Variants in CFAP46 observed in about 807,000 individuals in gnomAD.
CFAP46 encodes the protein cilia and flagella associated protein 46.
Under a neutral mutation model 325.7 loss-of-function variants are expected in CFAP46, and 245 were observed. That is an observed-to-expected ratio of 0.75 (90% CI 0.68 to 0.84). The LOEUF is 0.84. Ranked by LOEUF, CFAP46 falls within the 40% of genes least tolerant of loss-of-function variation. The pLI is 0.00. For missense variants in CFAP46, 3,346 were observed against 3,543.0 expected (o/e 0.94, Z 1.41); for synonymous variants, 1,523 against 1,495.9 (o/e 1.02, Z -0.42).
chr10:132,926,422 C>T lies in CFAP46; in HGVS notation c.1065+146G>A, dbSNP rs188692086. On this transcript the variant is annotated intron_variant, in intron 10 of 57. Transcript: ENST00000368586. ...TGGCACTGGAGGCTGGACTCACACC[C>T]GCTGTCACGGGAGCCAGGGCGAGTC... 3.8e-4 allele frequency: 249 copies of T among 650,886 alleles called. No homozygotes were observed. The African/African-American group carries it at 3.9e-3, about 10-fold the overall frequency. The allele number at this position is 650,886 out of a possible 1,614,324, so 40.3% of individuals were successfully genotyped here.
At chr10:132,895,257 C>T (rs888613917) in intron 24 of CFAP46, among the ~76,000 whole-genome samples, 4 of 152,166 alleles carry the variant, frequency 2.6e-5, no homozygotes, top group African/African-American at 9.7e-5. Context: ...TGGCAAGACC[C>T]ACACTATTTC....
chr10:132,808,760 A>C lies in CFAP46; in HGVS notation c.7809T>G (p.Ala2603=). The change falls in exon 58 of 58, where the codon GCT becomes GCG. Residue 2603 remains alanine, a synonymous_variant. Coordinates refer to ENST00000368586, the MANE Select transcript of CFAP46 (RefSeq NM_001200049.3). This position sits in a 1 kb window ranked among gnomAD's most constrained non-coding sequence, Gnocchi z 6.8. The part of the protein sequence containing the change: ...VQAWTCLPSA[A]GAPALASALG... ...GGGCAGAGGCAAGTGCTGGGGCCCC[A>C]GCAGCTGATGGGAGGCAGGTCCAGG... The C allele has an allele frequency of 6.3e-7, 1 of 1,585,608 alleles. No individual in the cohort carries two copies. Among genetic ancestry groups the C allele is most frequent in the Non-Finnish European group, 8.6e-7 (1 of 1,166,140 alleles).
At chr10:132,829,979 C>T (rs1000997469) in intron 50 of CFAP46, among the ~76,000 whole-genome samples, 1 of 150,644 alleles carries the variant, frequency 6.6e-6, no homozygotes, top group African/African-American at 2.5e-5. Flanking sequence ...GCATATTGGT[C>T]CATTTTTTTT....
intron 50 of CFAP46, among the ~76,000 whole-genome samples, chr10:132,819,571 T>C (rs1847756904): frequency 6.6e-6 from 1 of 150,864 alleles, no homozygotes; most frequent in South Asian, 2.1e-4. Flanking sequence ...GAATGGAGAA[T>C]CCAGAAATAA....
chr10:132,816,168 C>T (rs371097011), intron 50 of CFAP46, among the ~76,000 whole-genome samples: 1 of 151,678 alleles, frequency 6.6e-6, no homozygotes, highest in African/African-American at 2.4e-5. Context: ...CGGGGACTTC[C>T]GGGTTCTCCT....
In CFAP46 at chr10:132,846,223, C is replaced by A. The variant is rs1171302454; in HGVS notation, c.6272G>T (p.Cys2091Phe). The A allele has an allele frequency of 2.5e-6, 4 of 1,611,458 alleles. No individual in the cohort carries two copies. The highest frequency in any genetic ancestry group is 1.1e-5 in the South Asian group (1 of 90,752). Residue 2091 changes from cysteine (C) to phenylalanine (F), a missense_variant, in exon 44 of 58, where the codon TGC (cysteine) becomes TTC (phenylalanine). Transcript: ENST00000368586. ...ATCCCTCATCGTCTCTGAGGCCGAG[C>A]AGCTCTGAAAGGGAGCAGGGGAGGT... Reference protein sequence around the residue: ...TCQFLALSQSCSASETMRDVL... With the variant: ...TCQFLALSQSFSASETMRDVL...
At chr10:132,910,929 C>A (rs1251069499) in intron 19 of CFAP46, among the ~76,000 whole-genome samples, 1 of 152,252 alleles carries the variant, frequency 6.6e-6, no homozygotes. Flanking sequence ...CCAGTCCAGG[C>A]ACCGCCCAAG....
intron 39 of CFAP46, among the ~76,000 whole-genome samples, chr10:132,857,205 G>A (rs1411633677): frequency 6.6e-6 from 1 of 152,206 alleles, no homozygotes; most frequent in African/African-American, 2.4e-5. Flanking sequence ...CTCCCTCGAA[G>A]GTCTTGGGGT....
chr10:132,887,190 CTCCT>C (rs1849150282), intron 25 of CFAP46, among the ~76,000 whole-genome samples: 1 of 89,650 alleles, frequency 1.1e-5, no homozygotes, highest in African/African-American at 6.9e-5. Flanking sequence ...TCTTCTCTCT[CTCCT>C]CTCTCCTCTT....
In CFAP46 at chr10:132,884,551, A is replaced by G. The variant is rs1849093875; in HGVS notation, c.3627+552T>C. 6.6e-6 allele frequency among the ~76,000 whole-genome samples: 1 copy of G among 152,112 alleles called. No homozygotes were observed. Among genetic ancestry groups the G allele is most frequent in the African/African-American group, 2.4e-5 (1 of 41,438 alleles). On this transcript the variant is annotated intron_variant, in intron 27 of 57. Transcript: ENST00000368586. The surrounding 1 kb of genome is among the most constrained non-coding windows in gnomAD (Gnocchi z 5.4). ...GATGAAGTTCTCAGGTGCATACCAC[A>G]TGGCCCTTGCCCCTGACAAGCAGAG...
chr10:132,821,365 C>CTG lies in CFAP46; in HGVS notation c.7118-6453_7118-6452dup, dbSNP rs1565035237. Among the ~76,000 whole-genome samples, 9 of 114,366 alleles carry CTG rather than the reference C, an allele frequency of 7.9e-5. No homozygotes were observed. The South Asian group carries it at 1.9e-3, about 25-fold the overall frequency. The allele number at this position is 114,366 out of a possible 152,430, so 75.0% of individuals were successfully genotyped here. A position where few individuals can be genotyped will look rare whatever the true frequency, so the allele number is the denominator to read the frequency against. ...TGTGTGCTGATGTGTGCTGTGTGTG[C>CTG]TGTGTGCTGTGTGTGCACTGATGTG... On this transcript the variant is annotated intron_variant, in intron 50 of 57. Coordinates refer to ENST00000368586, the MANE Select transcript of CFAP46 (RefSeq NM_001200049.3).
At chr10:132,820,550 G>T (rs1161414333) in intron 50 of CFAP46, among the ~76,000 whole-genome samples, 4 of 143,584 alleles carry the variant, frequency 2.8e-5, no homozygotes, top group African/African-American at 7.7e-5. Context: ...GATGTGTGCT[G>T]TGTGTGCTGA....
intron 46 of CFAP46, 45 bp downstream of exon 46, chr10:132,836,097 C>T (rs1415514563): frequency 2.0e-6 from 3 of 1,513,684 alleles, no homozygotes; most frequent in South Asian, 2.3e-5. Context: ...CGCCCATGCT[C>T]CGCCTGCCCT....
At chr10:132,933,564 T>C (rs1311578049) in intron 8 of CFAP46, among the ~76,000 whole-genome samples, 2 of 152,182 alleles carry the variant, frequency 1.3e-5, no homozygotes, top group Non-Finnish European at 2.9e-5. Context: ...CATGCACTCA[T>C]ACCCCTCCCA....
At chr10:132,893,747 T>C (rs968048486) in intron 24 of CFAP46, among the ~76,000 whole-genome samples, 2 of 152,266 alleles carry the variant, frequency 1.3e-5, no homozygotes, top group African/African-American at 4.8e-5. Flanking sequence ...CTTTCTTTCC[T>C]GTTCTAAAGC....
intron 11 of CFAP46, among the ~76,000 whole-genome samples, chr10:132,923,021 G>A (rs1300416663): frequency 6.6e-6 from 1 of 152,268 alleles, no homozygotes; most frequent in Non-Finnish European, 1.5e-5. Context: ...CCTGAAGTGT[G>A]GGGTGTGGTT....
intron 43 of CFAP46, 105 bp downstream of exon 43, chr10:132,846,827 T>C: frequency 7.2e-7 from 1 of 1,388,582 alleles, no homozygotes; most frequent in Non-Finnish European, 9.6e-7. Context: ...GCCTGCGGCC[T>C]GCTTCTCTAA....
At chr10:132,920,213 C>T (rs1564801152) in intron 13 of CFAP46, 31 bp from the exon 14 acceptor site, 1 of 1,508,396 alleles carries the variant, frequency 6.6e-7, no homozygotes, top group Non-Finnish European at 8.9e-7. Flanking sequence ...GCAGGTGTTG[C>T]AGCTGCTGGC....
chr10:132,883,592 G>C (rs944171613), intron 27 of CFAP46, among the ~76,000 whole-genome samples: 3 of 152,252 alleles, frequency 2.0e-5, no homozygotes, highest in Non-Finnish European at 4.4e-5. Context: ...GGGCGACCGT[G>C]TGCCCAGCAA....
Sources: allele counts gnomAD v4.1 joint callset (sites outside exome capture counted in the v4.1 genomes callset), GRCh38; gene constraint gnomAD v4.1.1; non-coding constraint Gnocchi (gnomAD v3.1); transcripts MANE v1.5; gene names NCBI Gene and HGNC (gene_info 2026-07-23, HGNC 2026-07-21).